MTMR2: variants seen among roughly 807,000 people sequenced by gnomAD.
The protein encoded by MTMR2 is myotubularin related protein 2, also known as phosphatidylinositol-3,5-bisphosphate 3-phosphatase MTMR2.
Under a neutral mutation model 86.9 loss-of-function variants are expected in MTMR2, and 55 were observed. The ratio of observed to expected loss-of-function variants is 0.63; its 90% CI spans 0.51 to 0.79. The LOEUF is 0.79. MTMR2 is among the 30% of genes least tolerant of loss of function. The pLI is 0.00. For synonymous variants in MTMR2, 241 were observed against 266.8 expected, an observed-to-expected ratio of 0.90 and a Z score of 0.94; for missense variants, 659 against 772.3, an observed-to-expected ratio of 0.85 and a Z score of 1.74.
intron 10 of MTMR2, among the ~76,000 whole-genome samples, chr11:95,846,182 A>C (rs1863783626): frequency 6.6e-6 from 1 of 152,196 alleles, no homozygotes; most frequent in African/African-American, 2.4e-5. Flanking sequence ...CTATAATTCT[A>C]GTGCATATAC....
intron 1 of MTMR2, among the ~76,000 whole-genome samples, chr11:95,900,806 C>T (rs1866048815): frequency 6.6e-6 from 1 of 152,172 alleles, no homozygotes; most frequent in Non-Finnish European, 1.5e-5. Context: ...TTACCTGAAT[C>T]TACATGAGAA....
chr11:95,858,573 A>T lies in MTMR2; in HGVS notation c.528T>A (p.Phe176Leu). The part of the protein sequence containing the change: ...KPEGRTRRSI[F>L]ENLMKYAFPV... ...GAAATGCATATTTCATTAGATTCTC[A>T]AATATGGATCTTCTTGTCCGCCCCT... is the stretch of plus-strand genomic sequence containing the variant. Residue 176 changes from phenylalanine to leucine, a missense_variant, in exon 6 of 15, where the codon TTT becomes TTA. Transcript: ENST00000346299. The T allele has an allele frequency of 6.2e-7, 1 of 1,612,922 alleles. No homozygotes were observed. Among genetic ancestry groups the T allele is most frequent in the Non-Finnish European group, 8.5e-7 (1 of 1,179,062 alleles).
In MTMR2 at chr11:95,850,674, G is replaced by A; in HGVS notation, c.730C>T (p.Leu244=). Residue 244 remains leucine (L), a synonymous_variant, in exon 8 of 15, where the codon CTG becomes TTG. Transcript: ENST00000346299. ...TCAGGAATATTTGCTGGCACAACCA[G>A]GAGGGCAGGGTATGTATCACAAAGT... is the stretch of plus-strand genomic sequence containing the variant. ...YELCDTYPAL[L]VVPANIPDEE... The A allele has an allele frequency of 6.2e-7, 1 of 1,614,070 alleles. No individual in the cohort carries two copies. Among genetic ancestry groups the A allele is most frequent in the South Asian group, 1.1e-5 (1 of 91,084 alleles).
intron 1 of MTMR2, among the ~76,000 whole-genome samples, chr11:95,923,230 G>C (rs1866998162): frequency 6.6e-6 from 1 of 152,076 alleles, no homozygotes; most frequent in South Asian, 2.1e-4. Flanking sequence ...CACTCATTTT[G>C]TTTTCTTAAA....
At position 95,833,314 on chromosome 11, in the gene MTMR2, C is replaced by G. The variant is rs1467869543; in HGVS notation, c.*1976G>C. On this transcript the variant is annotated 3_prime_UTR_variant, in exon 15 of 15. Transcript: ENST00000346299. ...GGTCTCTAAATTTTGTAACCCTAAT[C>G]AAAAAGGGAAAAAATTACACCTGCA... 6.6e-6 allele frequency: 1 copy of G among 151,838 alleles called. No individual in the cohort carries two copies. Among genetic ancestry groups the G allele is most frequent in the Non-Finnish European group, 1.5e-5 (1 of 67,930 alleles). The allele number at this position is 151,838 out of a possible 1,614,324, so 9.4% of individuals were successfully genotyped here. A position where few individuals can be genotyped will look rare whatever the true frequency, so the allele number is the denominator to read the frequency against.
chr11:95,900,634 T>A (rs1210135304), intron 1 of MTMR2, among the ~76,000 whole-genome samples: 5 of 152,172 alleles, frequency 3.3e-5, no homozygotes, highest in African/African-American at 1.2e-4. Context: ...AACATTTTTT[T>A]TTTTTAGGTT....
chr11:95,888,272 C>CAA lies in MTMR2; in HGVS notation c.81-13_81-12dup. 6.3e-7 allele frequency: 1 copy of CAA among 1,578,154 alleles called. No homozygotes were observed. Among genetic ancestry groups the CAA allele is most frequent in the South Asian group, 1.1e-5 (1 of 90,642 alleles). ...TGAGAAGTGGAGGCACTACAAAATA[C>CAA]AAAAGTACAGTATGTTGGAAAAATG... On this transcript the variant is annotated splice_polypyrimidine_tract_variant and intron_variant, in intron 1 of 14. Coordinates refer to ENST00000346299, the MANE Select transcript of MTMR2 (RefSeq NM_016156.6).
At chr11:95,891,826 CAG>C (rs915936117) in intron 1 of MTMR2, among the ~76,000 whole-genome samples, 1 of 151,538 alleles carries the variant, frequency 6.6e-6, no homozygotes, top group African/African-American at 2.4e-5. Context: ...CACACACACA[CAG>C]AGAGAGAGAA....
intron 2 of MTMR2, among the ~76,000 whole-genome samples, chr11:95,870,895 C>T (rs572504530): frequency 1.4e-4 from 22 of 151,886 alleles, no homozygotes; most frequent in African/African-American, 5.3e-4. Flanking sequence ...CCTTCCCCCA[C>T]CCCACAACAG....
At chr11:95,890,745 T>C (rs1358027358) in intron 1 of MTMR2, among the ~76,000 whole-genome samples, 1 of 152,198 alleles carries the variant, frequency 6.6e-6, no homozygotes, top group Non-Finnish European at 1.5e-5. Context: ...ATTCTTGTTA[T>C]GTAACATAAA....
rs1863554337 is a variant in MTMR2 at position 95,841,683 on chromosome 11, A to G, written c.1413T>C (p.His471=). 10 of 1,613,732 alleles carry G rather than the reference A, an allele frequency of 6.2e-6. No individual in the cohort carries two copies. In the East Asian group the frequency reaches 6.7e-5, roughly 11 times the overall value. Residue 471 remains histidine (H), a synonymous_variant, in exon 12 of 15, where the codon CAT becomes CAC. Coordinates refer to ENST00000346299, the MANE Select transcript of MTMR2 (RefSeq NM_016156.6). The part of the protein sequence containing the change: ...QLRVGHGDKN[H]ADADRSPVFL... ...AAACAGGCGATCTGTCTGCATCTGC[A>G]TGGTTCTTATCTCCATGGCCAACTC...
chr11:95,869,193 G>A (rs1864755798), intron 2 of MTMR2, among the ~76,000 whole-genome samples: 1 of 145,626 alleles, frequency 6.9e-6, no homozygotes, highest in African/African-American at 2.5e-5. Context: ...ATGAAATCAA[G>A]ATAACTGCAC....
chr11:95,882,304 C>G (rs181747207), intron 2 of MTMR2: 1 of 152,042 alleles, frequency 6.6e-6, no homozygotes, highest in African/African-American at 2.4e-5. Flanking sequence ...TCAAGGTCAT[C>G]CTGGCTAACA....
chr11:95,862,338 G>A lies in MTMR2; in HGVS notation c.291C>T (p.Phe97=). The change falls in exon 4 of 15, where the codon TTC becomes TTT. Residue 97 remains phenylalanine, a synonymous_variant. Transcript: ENST00000346299. ...MAKDVTYICP[F]TGAVRGTLTV... ...TCAGAGTTCCTCGTACAGCGCCAGT[G>A]AATGGACATATATAAGTTACATCTT... 1.9e-6 allele frequency: 3 copies of A among 1,614,044 alleles called. No homozygotes were observed. Among genetic ancestry groups the A allele is most frequent in the Non-Finnish European group, 2.5e-6 (3 of 1,179,958 alleles).
At chr11:95,884,143 C>T (rs1157414435) in intron 2 of MTMR2, among the ~76,000 whole-genome samples, 7 of 152,168 alleles carry the variant, frequency 4.6e-5, no homozygotes, top group Admixed American at 1.3e-4. Context: ...AAATGCAACA[C>T]GTCGCTGTCT....
intron 2 of MTMR2, among the ~76,000 whole-genome samples, chr11:95,874,791 C>T (rs981842425): frequency 5.9e-5 from 9 of 152,062 alleles, no homozygotes; most frequent in East Asian, 3.9e-4. Flanking sequence ...GCAGGCCTGG[C>T]GGTGACAAAA....
At chr11:95,847,150 T>A (rs185380278) in intron 10 of MTMR2, among the ~76,000 whole-genome samples, 40 of 152,274 alleles carry the variant, frequency 2.6e-4, no homozygotes, top group African/African-American at 9.4e-4. Flanking sequence ...GCACTCAGTG[T>A]GGCTCATGCA....
chr11:95,874,895 C>A (rs1865044773), intron 2 of MTMR2, among the ~76,000 whole-genome samples: 1 of 152,098 alleles, frequency 6.6e-6, no homozygotes, highest in South Asian at 2.1e-4. Flanking sequence ...GTTGAAAATT[C>A]TTTTCTTTAA....
At chr11:95,911,241 T>C (rs2135611503) in intron 1 of MTMR2, among the ~76,000 whole-genome samples, 1 of 152,280 alleles carries the variant, frequency 6.6e-6, no homozygotes, top group South Asian at 2.1e-4. Flanking sequence ...CATGTGACCC[T>C]GGACACAGTT....
Sources: allele counts gnomAD v4.1 joint callset (sites outside exome capture counted in the v4.1 genomes callset), GRCh38; gene constraint gnomAD v4.1.1; transcripts MANE v1.5; gene names NCBI Gene and HGNC (gene_info 2026-07-23, HGNC 2026-07-21).